The following MYB variants were observed in gnomAD, a reference collection of about 807,000 sequenced individuals.
MYB encodes the protein transcriptional activator Myb.
MYB carries 28 observed loss-of-function variants against 92.9 expected under a neutral mutation model. The ratio of observed to expected loss-of-function variants is 0.30; its 90% CI spans 0.22 to 0.41. The LOEUF is 0.41. MYB is among the 10% of genes least tolerant of loss of function. The pLI, the probability that MYB is intolerant of heterozygous loss-of-function variation, is 1.00. For missense variants in MYB, 679 were observed against 929.3 expected (o/e 0.73, Z 3.50); for synonymous variants, 295 against 329.1 (o/e 0.90, Z 1.12).
intron 6 of MYB, among the ~76,000 whole-genome samples, chr6:135,193,587 G>A (rs1776906927): frequency 6.6e-6 from 1 of 151,746 alleles, no homozygotes. Flanking sequence ...TCTAATTAAG[G>A]AACACTTCCC....
rs1778427250 is a variant in MYB, at chr6:135,203,466, T to C, written c.2169+142T>C. 3.6e-5 allele frequency: 25 copies of C among 700,852 alleles called. No homozygotes were observed. The South Asian group carries it at 4.6e-4, about 13-fold the overall frequency. 43.4% of individuals were successfully genotyped at this position (700,852 alleles called of 1,614,324 possible). A position where few individuals can be genotyped will look rare whatever the true frequency, so the allele number is the denominator to read the frequency against. ...ATTTTAGACATAGGGGAGTAATGCTTTTATACAATTCTTGATGTCTAGAAA... is the reference window on the plus strand; with the variant it reads ...ATTTTAGACATAGGGGAGTAATGCTCTTATACAATTCTTGATGTCTAGAAA... On this transcript the variant is annotated intron_variant, in intron 15 of 15. Coordinates refer to ENST00000341911, the MANE Select transcript of MYB (RefSeq NM_001130173.2).
Position 135,185,895 on chromosome 6 carries a change from T to C in MYB, c.24-8T>C. Reference sequence around the variant, plus strand: ...TCAGCCCACGTCTACCCATTCTTATTTCTGCAGCATATATAGCAGTGACGA... The same window carrying C: ...TCAGCCCACGTCTACCCATTCTTATCTCTGCAGCATATATAGCAGTGACGA... On this transcript the variant is annotated splice_region_variant and splice_polypyrimidine_tract_variant and intron_variant, in intron 1 of 15. Transcript: ENST00000341911. 2 of 1,608,418 alleles carry C rather than the reference T, an allele frequency of 1.2e-6. No homozygotes were observed. Among genetic ancestry groups the C allele is most frequent in the Admixed American group, 3.3e-5 (2 of 60,012 alleles).
At chr6:135,204,974 GGAGGATCGCTTGAACCCAGGAGGCA>G (rs1446852776) in intron 15 of MYB, among the ~76,000 whole-genome samples, 1 of 152,178 alleles carries the variant, frequency 6.6e-6, no homozygotes, top group African/African-American at 2.4e-5. Flanking sequence ...GGCTGAGACA[GGAGGATCGCTTGAACCCAGGAGGCA>G]GAGGCTGCAG....
chr6:135,184,145 T>C (rs775079527), intron 1 of MYB, among the ~76,000 whole-genome samples: 2 of 152,272 alleles, frequency 1.3e-5, no homozygotes, highest in East Asian at 3.9e-4. Flanking sequence ...AAATGTGACC[T>C]CTAGATCCAG....
rs1468617124 is a variant in MYB at position 135,197,133 on chromosome 6, G to A, written c.1376G>A (p.Ser459Asn). Residue 459 changes from serine to asparagine, a missense_variant, in exon 10 of 16, where the codon AGT becomes AAT. Physicochemically the swap from Ser to Asn is conservative, Grantham distance 46. This residue lies in a region of MYB where 402 missense variants were observed against 434.2 expected (regional missense o/e 0.93). Transcript: ENST00000341911. The stretch of plus-strand genomic sequence containing the variant: ...GTGAACAAACGTATGTTGAGTGAGA[G>A]TTCACTTGACCCACCCAAGGTCTTA... ...PRVNKRMLSE[S>N]SLDPPKVLPP... is the part of the protein sequence containing the mutation. 1 of 1,613,892 alleles carries A rather than the reference G, an allele frequency of 6.2e-7. No individual in the cohort carries two copies.
chr6:135,203,394 G>GTGC, intron 15 of MYB, 70 bp downstream of exon 15: 1 of 1,256,726 alleles, frequency 8.0e-7, no homozygotes, highest in Non-Finnish European at 1.2e-6. Context: ...GGTGGTGGTG[G>GTGC]TGGTGGTGGT....
chr6:135,200,857 T>C (rs370620121), intron 13 of MYB, among the ~76,000 whole-genome samples: 23 of 152,068 alleles, frequency 1.5e-4, no homozygotes, highest in Non-Finnish European at 2.2e-4. Flanking sequence ...GGTGGGCAGA[T>C]CACAAGGTCA....
At position 135,196,988 on chromosome 6, in the gene MYB, A is replaced by C; in HGVS notation, c.1231A>C (p.Ser411Arg). 1 of 1,613,806 alleles carries C rather than the reference A, an allele frequency of 6.2e-7. No homozygotes were observed. Among genetic ancestry groups the C allele is most frequent in the Non-Finnish European group, 8.5e-7 (1 of 1,179,804 alleles). The change falls in exon 10 of 16, where the codon AGT (serine) becomes CGT (arginine). Residue 411 changes from serine to arginine, a missense_variant. By Grantham distance (110) the Ser-to-Arg change is moderately radical. Coordinates refer to ENST00000341911, the MANE Select transcript of MYB (RefSeq NM_001130173.2). ...SDSSSWCDLS[S>R]FEFFEEADFS... ...TTCTTCATCATGGTGTGATCTCAGC[A>C]GTTTTGAATTCTTTGAAGAAGCAGA...
intron 15 of MYB, among the ~76,000 whole-genome samples, chr6:135,205,419 C>CAACA (rs760252808): frequency 6.6e-6 from 1 of 152,042 alleles, no homozygotes; most frequent in Non-Finnish European, 1.5e-5. Context: ...TTCAAAAAGC[C>CAACA]AACACATCAA....
rs528565875 is a variant in MYB at position 135,201,283 on chromosome 6, C to T, written c.1951-356C>T. Among the ~76,000 whole-genome samples the T allele has an allele frequency of 3.9e-5, 6 of 152,156 alleles. No individual in the cohort carries two copies. In the East Asian group the frequency reaches 1.2e-3, roughly 29 times the overall value. The stretch of plus-strand genomic sequence containing the variant: ...ATTTTACCAGAATGTGATTAAAAAC[C>T]AGTCTTTTGTCACCAAAAGATCTTT... On this transcript the variant is annotated intron_variant, in intron 13 of 15. Coordinates refer to ENST00000341911, the MANE Select transcript of MYB (RefSeq NM_001130173.2).
Position 135,181,441 on chromosome 6 carries a change from G to C in MYB, c.-73G>C. The C allele has an allele frequency of 9.5e-7, 1 of 1,051,178 alleles. No individual in the cohort carries two copies. The highest frequency in any genetic ancestry group is 1.7e-5 in the African/African-American group (1 of 58,660). The allele number at this position is 1,051,178 out of a possible 1,614,324, so 65.1% of individuals were successfully genotyped here. ...CGCAGCCGGGGAGGGACGCAGGCAG[G>C]CGGCGGGCAGCGGGAGGCGGCAGCC... On this transcript the variant is annotated 5_prime_UTR_variant, in exon 1 of 16. Coordinates refer to ENST00000341911, the MANE Select transcript of MYB (RefSeq NM_001130173.2). The surrounding 1 kb of genome is among the most constrained non-coding windows in gnomAD (Gnocchi z 5.3).
chr6:135,207,853 GT>G (rs1779158875), intron 15 of MYB, among the ~76,000 whole-genome samples: 1 of 150,202 alleles, frequency 6.7e-6, no homozygotes, highest in Non-Finnish European at 1.5e-5. Flanking sequence ...TCCTGCCTCA[GT>G]CCCCTGAGTA....
At position 135,195,127 on chromosome 6, in the gene MYB, T is replaced by C. The variant is rs1777129942; in HGVS notation, c.949-621T>C. 6 of 1,238,594 alleles carry C rather than the reference T, an allele frequency of 4.8e-6. No individual in the cohort carries two copies. In the South Asian group the frequency reaches 8.1e-5, roughly 17 times the overall value. 76.7% of individuals were successfully genotyped at this position (1,238,594 alleles called of 1,614,324 possible). ...ATTTATTTTTTGTTAAATAATAAGA[T>C]GTTTATGTGCACATGCTAGTTCGAC... is the stretch of plus-strand genomic sequence containing the variant. On this transcript the variant is annotated intron_variant, in intron 8 of 15. Coordinates refer to ENST00000341911, the MANE Select transcript of MYB (RefSeq NM_001130173.2).
intron 3 of MYB, among the ~76,000 whole-genome samples, 194 bp downstream of exon 3, chr6:135,188,099 C>T (rs1238274516): frequency 9.2e-5 from 14 of 151,904 alleles, no homozygotes; most frequent in Admixed American, 5.2e-4. Context: ...TTATTAGAAT[C>T]GATTATTATA....
chr6:135,195,770 A>G lies in MYB; in HGVS notation c.971A>G (p.Tyr324Cys). 6.2e-7 allele frequency: 1 copy of G among 1,613,918 alleles called. No homozygotes were observed. The highest frequency in any genetic ancestry group is 8.5e-7 in the Non-Finnish European group (1 of 1,179,962). Residue 324 changes from tyrosine to cysteine, a missense_variant, in exon 9 of 16, where the codon TAC becomes TGC. Physicochemically the swap from Tyr to Cys is radical, Grantham distance 194. Coordinates refer to ENST00000341911, the MANE Select transcript of MYB (RefSeq NM_001130173.2). ...TAGACACAGAACCACACATGCAGCT[A>G]CCCCGGGTGGCACAGCACCACCATT... ...VLPTQNHTCS[Y>C]PGWHSTTIAD...
chr6:135,197,853 A>G (rs1003799267), intron 10 of MYB, among the ~76,000 whole-genome samples: 7 of 152,230 alleles, frequency 4.6e-5, no homozygotes, highest in Admixed American at 1.3e-4. Flanking sequence ...TAAGGAAAAG[A>G]ACATATTTTT....
At chr6:135,187,739 C>T (rs2128286405) in intron 2 of MYB, 95 bp from the exon 3 acceptor site, 1 of 736,444 alleles carries the variant, frequency 1.4e-6, no homozygotes, top group Non-Finnish European at 2.2e-6. Flanking sequence ...TTTAGAGAGA[C>T]TTTTTATTCT....
chr6:135,185,727 A>G, intron 1 of MYB, 176 bp from the exon 2 acceptor site: 1 of 611,160 alleles, frequency 1.6e-6, no homozygotes, highest in South Asian at 1.9e-5. Context: ...CAGCAGAACC[A>G]GTTTACAATA....
chr6:135,215,115 G>A (rs1347696085), intron 15 of MYB, among the ~76,000 whole-genome samples: 2 of 152,158 alleles, frequency 1.3e-5, no homozygotes, highest in Non-Finnish European at 2.9e-5. Context: ...TGGGGAGATG[G>A]CACAAGCTTT....
Sources: gnomAD v4.1 joint callset for allele counts (sites outside exome capture counted in the v4.1 genomes callset) on GRCh38, gnomAD v4.1.1 for gene constraint, gnomAD v4.1.1 regional missense constraint, Gnocchi (gnomAD v3.1) non-coding constraint, MANE v1.5 for transcripts, NCBI Gene and HGNC (gene_info 2026-07-23, HGNC 2026-07-21) for gene names.